Variants in PLEKHM3 observed in about 807,000 individuals in gnomAD.
PLEKHM3 encodes pleckstrin homology domain containing M3.
PLEKHM3 carries 45 observed loss-of-function variants against 81.8 expected under a neutral mutation model. The ratio of observed to expected loss-of-function variants is 0.55; its 90% CI spans 0.43 to 0.71. PLEKHM3 has a LOEUF of 0.71. PLEKHM3 is among the 30% of genes least tolerant of loss of function. The pLI, the probability that PLEKHM3 is intolerant of heterozygous loss-of-function variation, is 0.00. For missense variants in PLEKHM3, 788 were observed against 924.3 expected, an observed-to-expected ratio of 0.85 and a Z score of 1.91; for synonymous variants, 352 against 356.4, an observed-to-expected ratio of 0.99 and a Z score of 0.14.
intron 1 of PLEKHM3, among the ~76,000 whole-genome samples, chr2:208,004,921 G>A (rs1038821538): frequency 7.9e-5 from 12 of 152,216 alleles, no homozygotes; most frequent in African/African-American, 2.9e-4. Context: ...ACCCCACGGC[G>A]TTCAAGCGAT....
rs751377592 is a variant in PLEKHM3 at position 207,952,836 on chromosome 2, A to C, written c.1547-6324T>G. The stretch of plus-strand genomic sequence containing the variant: ...AACTGAAGCTATAGAATTCTACATA[A>C]CTGTAAAGTAGAAAGGGGGTAAAGA... On this transcript the variant is annotated intron_variant, in intron 3 of 7. Transcript: ENST00000427836. 9.2e-5 allele frequency among the ~76,000 whole-genome samples: 14 copies of C among 152,346 alleles called. 1 individual carries two copies. Among genetic ancestry groups the C allele is most frequent in the Non-Finnish European group, 1.9e-4 (13 of 68,026 alleles).
At chr2:207,909,335 A>G (rs977915301) in intron 5 of PLEKHM3, among the ~76,000 whole-genome samples, 1 of 152,066 alleles carries the variant, frequency 6.6e-6, no homozygotes, top group Admixed American at 6.5e-5. Flanking sequence ...ACTGGAAAAC[A>G]ACACACACAC....
At chr2:207,984,141 T>C (rs2123294) in intron 2 of PLEKHM3, among the ~76,000 whole-genome samples, 102,297 of 152,086 alleles carry the variant, frequency 0.67, 35,005 homozygotes, top group Non-Finnish European at 0.73. Flanking sequence ...AAATCGCAAA[T>C]TTCTGCCATT....
At chr2:207,924,302 A>T (rs146278573) in intron 5 of PLEKHM3, among the ~76,000 whole-genome samples, 311 of 152,286 alleles carry the variant, frequency 2.0e-3, no homozygotes, top group Middle Eastern at 0.01. Flanking sequence ...GATCTCCTCA[A>T]GGAAGAGTGC....
chr2:207,982,051 G>A (rs1335812242), intron 2 of PLEKHM3, among the ~76,000 whole-genome samples: 2 of 152,116 alleles, frequency 1.3e-5, no homozygotes, highest in East Asian at 3.8e-4. Context: ...TGAAGATGAA[G>A]AAAATGAAGA....
chr2:207,942,274 G>A (rs768852593), intron 4 of PLEKHM3, among the ~76,000 whole-genome samples: 14 of 152,130 alleles, frequency 9.2e-5, no homozygotes, highest in Admixed American at 2.0e-4. Flanking sequence ...GTGGGAGGCC[G>A]AGGTGGGAAG....
chr2:207,982,660 C>T (rs938593802), intron 2 of PLEKHM3, among the ~76,000 whole-genome samples: 1 of 151,276 alleles, frequency 6.6e-6, no homozygotes, highest in South Asian at 2.1e-4. Context: ...CTCACTGCAA[C>T]CTCCGCCTCC....
chr2:207,860,177 G>GTGTGTGTGTGTC (rs2092459749), intron 7 of PLEKHM3, among the ~76,000 whole-genome samples: 1 of 150,204 alleles, frequency 6.7e-6, no homozygotes, highest in Non-Finnish European at 1.5e-5. Flanking sequence ...GTGTGTGTGT[G>GTGTGTGTGTGTC]TGTGTGTGTG....
chr2:207,885,620 A>G (rs751118542), intron 6 of PLEKHM3, among the ~76,000 whole-genome samples: 5 of 152,222 alleles, frequency 3.3e-5, no homozygotes, highest in Non-Finnish European at 7.3e-5. Flanking sequence ...ACAAAAACCA[A>G]TGACTGTTTA....
chr2:207,877,548 C>T (rs1210791468), intron 6 of PLEKHM3, among the ~76,000 whole-genome samples: 2 of 152,128 alleles, frequency 1.3e-5, no homozygotes, highest in Non-Finnish European at 2.9e-5. Context: ...TCCTCACAGT[C>T]CGTTTTCTTA....
At chr2:207,858,180 A>ATATATTT (rs751293954) in intron 7 of PLEKHM3, among the ~76,000 whole-genome samples, 4 of 103,850 alleles carry the variant, frequency 3.9e-5, no homozygotes, top group African/African-American at 1.5e-4. Context: ...GTGTGTATAT[A>ATATATTT]TTTTTTTTTT....
chr2:207,976,675 T>G lies in PLEKHM3; in HGVS notation c.1522A>C (p.Thr508Pro), dbSNP rs770699283. Reference sequence around the variant, plus strand: ...CCTGCACATTTGAAACTCTGAGCAGTGAGTCCTCGTTCCAAAGACAAAGTC... The same window carrying G: ...CCTGCACATTTGAAACTCTGAGCAGGGAGTCCTCGTTCCAAAGACAAAGTC... ...LTTLSLERGL[T>P]AQSFKCAGCQ... The change falls in exon 3 of 8, where the codon ACT (threonine) becomes CCT (proline). Residue 508 changes from threonine (T) to proline (P), a missense_variant. By Grantham distance (38) the Thr-to-Pro change is conservative. Coordinates refer to ENST00000427836, the MANE Select transcript of PLEKHM3 (RefSeq NM_001080475.3). The surrounding 1 kb of genome is among the most constrained non-coding windows in gnomAD (Gnocchi z 4.1). 4 of 1,614,010 alleles carry G rather than the reference T, an allele frequency of 2.5e-6. No individual in the cohort carries two copies. The South Asian group carries it at 4.4e-5, about 18-fold the overall frequency.
intron 3 of PLEKHM3, among the ~76,000 whole-genome samples, chr2:207,966,721 T>A (rs1690924910): frequency 6.6e-6 from 1 of 151,812 alleles, no homozygotes; most frequent in Non-Finnish European, 1.5e-5. Flanking sequence ...CCCGGCTAAT[T>A]TTTTTTTATG....
chr2:207,835,579 C>T (rs1487158283), intron 7 of PLEKHM3, among the ~76,000 whole-genome samples: 1 of 152,120 alleles, frequency 6.6e-6, no homozygotes, highest in African/African-American at 2.4e-5. Flanking sequence ...TTTGGTACCT[C>T]CCCAGAGAGT....
intron 6 of PLEKHM3, among the ~76,000 whole-genome samples, chr2:207,893,055 C>T (rs1559224522): frequency 6.6e-6 from 1 of 152,180 alleles, no homozygotes; most frequent in South Asian, 2.1e-4. Flanking sequence ...CTTGAATACC[C>T]TCATGAACTA....
intron 7 of PLEKHM3, among the ~76,000 whole-genome samples, chr2:207,844,997 A>G (rs2105892508): frequency 6.6e-6 from 1 of 152,352 alleles, no homozygotes; most frequent in Non-Finnish European, 1.5e-5. Context: ...CAGAGGGTTA[A>G]CATGGGCTGC....
In PLEKHM3 at chr2:207,992,362, T is replaced by C. The variant is rs528155623; in HGVS notation, c.610+8668A>G. On this transcript the variant is annotated intron_variant, in intron 2 of 7. Coordinates refer to ENST00000427836, the MANE Select transcript of PLEKHM3 (RefSeq NM_001080475.3). The stretch of plus-strand genomic sequence containing the variant: ...AAACTGTTGTGAGTATTAACTAAGA[T>C]AATGAACACTTCTTAGCACAGAGCT... 2.8e-4 allele frequency among the ~76,000 whole-genome samples: 43 copies of C among 152,324 alleles called. 1 individual carries two copies. In the South Asian group the frequency reaches 8.5e-3, roughly 30 times the overall value.
rs762229483 is a variant in PLEKHM3, at chr2:207,976,731, G to C, written c.1466C>G (p.Ser489Cys). The change falls in exon 3 of 8, where the codon TCT becomes TGT. Residue 489 changes from serine to cysteine, a missense_variant. Transcript: ENST00000427836. The surrounding 1 kb of genome is among the most constrained non-coding windows in gnomAD (Gnocchi z 4.1). ...GHELRKNKRQ[S>C]VTTSFLSILT... Reference sequence around the variant, plus strand: ...AATGCTCAGGAAGCTGGTAGTCACAGATTGGCGTTTGTTCTTCCTGAGTTC... The same window carrying C: ...AATGCTCAGGAAGCTGGTAGTCACACATTGGCGTTTGTTCTTCCTGAGTTC... The C allele has an allele frequency of 2.5e-6, 4 of 1,614,240 alleles. No homozygotes were observed. The Admixed American group carries it at 6.7e-5, about 27-fold the overall frequency.
At chr2:207,970,195 A>T (rs1405919289) in intron 3 of PLEKHM3, among the ~76,000 whole-genome samples, 6 of 149,278 alleles carry the variant, frequency 4.0e-5, no homozygotes, top group African/African-American at 1.5e-4. Context: ...CAGGGAGGAA[A>T]ATAAGGCAGG....
Sources: allele counts gnomAD v4.1 joint callset (sites outside exome capture counted in the v4.1 genomes callset), GRCh38; gene constraint gnomAD v4.1.1; non-coding constraint Gnocchi (gnomAD v3.1); transcripts MANE v1.5; gene names NCBI Gene and HGNC (gene_info 2026-07-23, HGNC 2026-07-21).